The following ZPBP variants were observed in gnomAD, a reference collection of about 807,000 sequenced individuals.
ZPBP encodes the protein zona pellucida-binding protein 1.
ZPBP carries 26 observed loss-of-function variants against 44.8 expected under a neutral mutation model. The ratio of observed to expected loss-of-function variants is 0.58; its 90% CI spans 0.43 to 0.81. The LOEUF (loss-of-function observed/expected upper bound fraction) is 0.81, where lower values mean the gene tolerates loss of function less well. Among genes scored for constraint, ZPBP ranks in the 30% least tolerant of loss-of-function variants. The pLI is 0.00. For synonymous variants in ZPBP, 174 were observed against 153.2 expected (o/e 1.14, Z -1.00); for missense variants, 409 against 434.0 (o/e 0.94, Z 0.51).
chr7:49,961,362 G>A (rs112212288), intron 7 of ZPBP, among the ~76,000 whole-genome samples: 5 of 152,180 alleles, frequency 3.3e-5, no homozygotes, highest in African/African-American at 1.2e-4. Context: ...TTCAGACAAG[G>A]AATATATATA....
chr7:49,845,400 T>C, the ZPBP span, among the ~76,000 whole-genome samples: 1 of 152,230 alleles, frequency 6.6e-6, no homozygotes, highest in Non-Finnish European at 1.5e-5. Context: ...ACACAATCTA[T>C]AATTTCAACA....
chr7:49,998,820 C>A lies in ZPBP; in HGVS notation c.784-15301G>T, dbSNP rs867326900. 3.9e-5 allele frequency among the ~76,000 whole-genome samples: 6 copies of A among 152,170 alleles called. No individual in the cohort carries two copies. In the South Asian group the frequency reaches 1.0e-3, roughly 26 times the overall value. Reference sequence around the variant, plus strand: ...AAAATTCTGTTCCTCTAGAACCGCTCTTGTTACCAAAAACAGTATTAGTTG... The same window carrying A: ...AAAATTCTGTTCCTCTAGAACCGCTATTGTTACCAAAAACAGTATTAGTTG... On this transcript the variant is annotated intron_variant, in intron 6 of 7. Transcript: ENST00000046087.
chr7:49,883,601 G>A (rs576088906), intron 2 of ZPBP, among the ~76,000 whole-genome samples: 138 of 152,258 alleles, frequency 9.1e-4, no homozygotes, highest in Non-Finnish European at 1.4e-3. Flanking sequence ...GCTCAGGCAT[G>A]TTCTTCCAAA....
At chr7:49,974,891 T>C (rs186698566) in intron 7 of ZPBP, among the ~76,000 whole-genome samples, 4 of 928 alleles carry the variant, frequency 4.3e-3, no homozygotes, top group Non-Finnish European at 9.3e-3. Context: ...AAATGCCCCA[T>C]TGAGGAGTGG....
Position 50,020,836 on chromosome 7 carries a change from A to G in ZPBP, c.707-2520T>C, listed in dbSNP as rs146463104. Among the ~76,000 whole-genome samples, 579 of 152,272 alleles carry G rather than the reference A, an allele frequency of 3.8e-3. 2 individuals are homozygous for G. The highest frequency in any genetic ancestry group is 0.013 in the African/African-American group (532 of 41,554). ...CAACCAAGTGAATGCTAAATCAACA[A>G]AAGATAACTTCAACACAGAATATAA... On this transcript the variant is annotated intron_variant, in intron 5 of 7. Transcript: ENST00000046087.
intron 6 of ZPBP, among the ~76,000 whole-genome samples, chr7:49,994,245 T>C (rs928104071): frequency 3.3e-5 from 5 of 152,192 alleles, no homozygotes; most frequent in Admixed American, 6.5e-5. Flanking sequence ...TGTAGTCCAA[T>C]AGCTGCCCAC....
intron 3 of ZPBP, among the ~76,000 whole-genome samples, chr7:50,076,185 T>C (rs1802069129): frequency 6.6e-6 from 1 of 151,840 alleles, no homozygotes; most frequent in African/African-American, 2.4e-5. Flanking sequence ...AACTTCAAAA[T>C]TGATGCTGAA....
At chr7:49,976,129 C>T (rs926055197) in intron 7 of ZPBP, among the ~76,000 whole-genome samples, 1 of 152,154 alleles carries the variant, frequency 6.6e-6, no homozygotes, top group Non-Finnish European at 1.5e-5. Context: ...CTCCCTCTTG[C>T]TTCTGGTGTT....
chr7:50,049,506 T>A (rs1485882517), intron 4 of ZPBP, among the ~76,000 whole-genome samples: 1 of 151,836 alleles, frequency 6.6e-6, no homozygotes, highest in Non-Finnish European at 1.5e-5. Context: ...GGGTTAATAT[T>A]TAAAAAATCA....
intron 6 of ZPBP, among the ~76,000 whole-genome samples, chr7:50,017,404 G>A (rs1270542561): frequency 6.6e-6 from 1 of 152,140 alleles, no homozygotes; most frequent in African/African-American, 2.4e-5. Context: ...TATAAACACA[G>A]TGAAGCTTCA....
intron 1 of ZPBP, chr7:49,921,105 C>G (rs1225229915): frequency 1.3e-5 from 2 of 152,184 alleles, no homozygotes; most frequent in Admixed American, 6.5e-5. Context: ...TCCTGCATAT[C>G]TGACAGATGG....
intron 2 of ZPBP, among the ~76,000 whole-genome samples, chr7:49,881,562 T>C (rs1791665516): frequency 6.6e-6 from 1 of 152,182 alleles, no homozygotes; most frequent in African/African-American, 2.4e-5. Context: ...AAGATATGTG[T>C]TATTAGCCCC....
At chr7:49,982,410 G>T (rs988616337) in intron 7 of ZPBP, among the ~76,000 whole-genome samples, 24 of 137,244 alleles carry the variant, frequency 1.7e-4, no homozygotes, top group Admixed American at 1.6e-4. Context: ...AAGTTACAAA[G>T]TTAACAGTTG....
chr7:49,948,065 G>A (rs1399830225), intron 7 of ZPBP, among the ~76,000 whole-genome samples: 1 of 152,216 alleles, frequency 6.6e-6, no homozygotes, highest in Non-Finnish European at 1.5e-5. Flanking sequence ...GGTGAATGCT[G>A]CCAGTTCTGA....
At chr7:49,937,698 T>A in intron 7 of ZPBP, 76 bp from the exon 8 acceptor site, 1 of 1,185,458 alleles carries the variant, frequency 8.4e-7, no homozygotes, top group Non-Finnish European at 1.3e-6. Flanking sequence ...TCAATTCTTT[T>A]AAGTGTATAG....
At chr7:50,041,084 G>A (rs558600842) in intron 4 of ZPBP, among the ~76,000 whole-genome samples, 19 of 152,296 alleles carry the variant, frequency 1.2e-4, no homozygotes, top group East Asian at 1.9e-4. Context: ...CTGCAAAGCC[G>A]CTATAGCCAG....
rs1427427491 is a variant in ZPBP, at chr7:49,982,108, TATAA to T, written c.961+1230_961+1233del. ...TATATGAATTATATAATTATATAATTATAAATATTTATATATTAATATAAATATT... is the reference window on the plus strand; with the variant it reads ...TATATGAATTATATAATTATATAATTATATTTATATATTAATATAAATATT... On this transcript the variant is annotated intron_variant, in intron 7 of 7. Coordinates refer to ENST00000046087, the MANE Select transcript of ZPBP (RefSeq NM_007009.3). 7.9e-5 allele frequency among the ~76,000 whole-genome samples: 8 copies of T among 100,780 alleles called. 3 individuals are homozygous for T. The highest frequency in any genetic ancestry group is 1.1e-4 in the Non-Finnish European group (6 of 55,576). The allele number at this position is 100,780 out of a possible 152,430, so 66.1% of individuals were successfully genotyped here. A position where few individuals can be genotyped will look rare whatever the true frequency, so the allele number is the denominator to read the frequency against.
intron 7 of ZPBP, among the ~76,000 whole-genome samples, chr7:49,982,724 G>T (rs920096993): frequency 6.6e-6 from 1 of 151,710 alleles, no homozygotes; most frequent in Non-Finnish European, 1.5e-5. Context: ...AGTATAAATT[G>T]TTAAAACTCT....
chr7:50,092,769 G>C (rs1803057838), intron 1 of ZPBP: 1 of 276,596 alleles, frequency 3.6e-6, no homozygotes, highest in African/African-American at 2.3e-5. Context: ...ATGCAAACCT[G>C]GCAGATGACC....
Sources: allele counts gnomAD v4.1 joint callset (sites outside exome capture counted in the v4.1 genomes callset), GRCh38; gene constraint gnomAD v4.1.1; transcripts MANE v1.5; gene names NCBI Gene and HGNC (gene_info 2026-07-23, HGNC 2026-07-21).